Variants in NDC80 observed in about 807,000 individuals in gnomAD.
The protein encoded by NDC80 is kinetochore protein NDC80 homolog.
NDC80 carries 69 observed loss-of-function variants against 89.3 expected under a neutral mutation model. The ratio of observed to expected loss-of-function variants is 0.77; its 90% confidence interval spans 0.64 to 0.94. The LOEUF (loss-of-function observed/expected upper bound fraction) is 0.94. Ranked by LOEUF, NDC80 falls within the 40% of genes least tolerant of loss-of-function variation. The pLI, the probability that NDC80 is intolerant of heterozygous loss-of-function variation, is 0.00. For missense variants in NDC80, 593 were observed against 739.6 expected, an observed-to-expected ratio of 0.80 and a Z score of 2.30; for synonymous variants, 243 against 255.6, an observed-to-expected ratio of 0.95 and a Z score of 0.47.
intron 13 of NDC80, among the ~76,000 whole-genome samples, chr18:2,603,779 G>A (rs1598244437): frequency 6.6e-6 from 1 of 152,064 alleles, no homozygotes; most frequent in South Asian, 2.1e-4. Context: ...GTCAAAATAT[G>A]TAAGTAACCA....
At chr18:2,580,345 T>G (rs1471762250) in intron 6 of NDC80, among the ~76,000 whole-genome samples, 1 of 152,102 alleles carries the variant, frequency 6.6e-6, no homozygotes, top group Admixed American at 6.6e-5. Flanking sequence ...TCTTTTTTTT[T>G]TTAATTTCAT....
intron 1 of NDC80, among the ~76,000 whole-genome samples, chr18:2,572,484 C>G (rs1366200575): frequency 2.6e-5 from 4 of 152,104 alleles, no homozygotes; most frequent in African/African-American, 9.7e-5. Context: ...GGGTTAAGGA[C>G]AGAGCAGGAG....
At chr18:2,587,958 G>A (rs1395054978) in intron 8 of NDC80, 35 bp downstream of exon 8, 2 of 1,541,350 alleles carry the variant, frequency 1.3e-6, no homozygotes, top group African/African-American at 1.4e-5. Flanking sequence ...CTTGCTTTTG[G>A]TCATTTCACT....
At chr18:2,579,342 C>T in intron 6 of NDC80, 1 of 241,166 alleles carries the variant, frequency 4.1e-6, no homozygotes, top group Non-Finnish European at 7.9e-6. Context: ...ATATTCACTG[C>T]AAGAAGTTTG....
At chr18:2,572,525 A>G (rs1182819203) in intron 1 of NDC80, among the ~76,000 whole-genome samples, 1 of 152,210 alleles carries the variant, frequency 6.6e-6, no homozygotes, top group African/African-American at 2.4e-5. Context: ...GAATAATTCC[A>G]TTCTCTGAAA....
chr18:2,572,623 G>A (rs1464117718), intron 1 of NDC80, among the ~76,000 whole-genome samples: 2 of 152,196 alleles, frequency 1.3e-5, no homozygotes, highest in African/African-American at 4.8e-5. Context: ...GCCAACAGCA[G>A]TAATGTGGTC....
At chr18:2,614,617 G>GAA (rs1210346946) in intron 16 of NDC80, among the ~76,000 whole-genome samples, 1 of 45,928 alleles carries the variant, frequency 2.2e-5, no homozygotes, top group Non-Finnish European at 4.3e-5. Flanking sequence ...AAGAAAGAAA[G>GAA]AAAGAAAGAA....
intron 13 of NDC80, among the ~76,000 whole-genome samples, chr18:2,604,072 A>AT (rs1933370754): frequency 6.6e-6 from 1 of 152,244 alleles, no homozygotes; most frequent in Non-Finnish European, 1.5e-5. Context: ...TGCAGCAAAT[A>AT]TTTTTTGAGT....
intron 10 of NDC80, 144 bp downstream of exon 10, chr18:2,590,306 T>G (rs62086180): frequency 0.19 from 151,641 of 806,160 alleles, 16,916 homozygotes; most frequent in East Asian, 0.44. Context: ...TGTTTCGTAT[T>G]TGTTTCCTAA....
At chr18:2,580,569 C>T (rs2072571575) in intron 6 of NDC80, among the ~76,000 whole-genome samples, 1 of 151,958 alleles carries the variant, frequency 6.6e-6, no homozygotes, top group South Asian at 2.1e-4. Flanking sequence ...CTGGTACATA[C>T]AGTACCACCC....
intron 13 of NDC80, among the ~76,000 whole-genome samples, chr18:2,602,464 A>G (rs1298327270): frequency 1.3e-5 from 2 of 152,076 alleles, no homozygotes; most frequent in South Asian, 2.1e-4. Flanking sequence ...AAGATGAGGA[A>G]TTTGCTCCCT....
intron 13 of NDC80, among the ~76,000 whole-genome samples, chr18:2,603,240 G>A (rs903552681): frequency 5.3e-5 from 8 of 151,716 alleles, no homozygotes; most frequent in African/African-American, 1.9e-4. Context: ...GCAGAGGATT[G>A]AATCCTAAAG....
chr18:2,610,947 G>T (rs911987180), intron 16 of NDC80, 86 bp downstream of exon 16: 2 of 821,632 alleles, frequency 2.4e-6, no homozygotes, highest in East Asian at 3.4e-5. Flanking sequence ...TAAATTAAAT[G>T]ATGAATTTTA....
chr18:2,592,902 G>A (rs1433083745), intron 10 of NDC80, among the ~76,000 whole-genome samples: 2 of 151,852 alleles, frequency 1.3e-5, no homozygotes, highest in Non-Finnish European at 2.9e-5. Context: ...TTCAATATAG[G>A]CCATGAGTCA....
chr18:2,581,593 A>G (rs2072578480), intron 6 of NDC80, among the ~76,000 whole-genome samples: 1 of 152,244 alleles, frequency 6.6e-6, no homozygotes, highest in East Asian at 1.9e-4. Flanking sequence ...CAGGAGGTGG[A>G]GGTTGCAGTG....
rs770184173 is a variant in NDC80, at chr18:2,616,435, A to G, written c.1792-2A>G. 1.4e-6 allele frequency: 2 copies of G among 1,474,626 alleles called. No individual in the cohort carries two copies. Among genetic ancestry groups the G allele is most frequent in the South Asian group, 2.8e-5 (2 of 72,628 alleles). 91.3% of individuals were successfully genotyped at this position (1,474,626 alleles called of 1,614,324 possible). A position where few individuals can be genotyped will look rare whatever the true frequency, so the allele number is the denominator to read the frequency against. ...TTAACAATTGTTAATTCTCTTCACTAGAAACATCTTGAGGAGCAGATTGCT... is the reference window on the plus strand; with the variant it reads ...TTAACAATTGTTAATTCTCTTCACTGGAAACATCTTGAGGAGCAGATTGCT... On this transcript the variant is annotated splice_acceptor_variant, in intron 16 of 16. Transcript: ENST00000261597. LOFTEE classifies it high-confidence loss of function.
intron 13 of NDC80, among the ~76,000 whole-genome samples, chr18:2,606,075 A>G (rs915802515): frequency 1.3e-5 from 2 of 148,646 alleles, no homozygotes; most frequent in African/African-American, 4.9e-5. Context: ...TATAGTCTAA[A>G]TAAAGCTAGA....
intron 13 of NDC80, among the ~76,000 whole-genome samples, chr18:2,602,239 G>C (rs779002060): frequency 6.6e-6 from 1 of 151,972 alleles, no homozygotes; most frequent in Non-Finnish European, 1.5e-5. Flanking sequence ...TCTCAATCTG[G>C]AAACAAAACC....
chr18:2,601,000 T>TAAG (rs1207706083), intron 12 of NDC80, among the ~76,000 whole-genome samples: 2 of 152,198 alleles, frequency 1.3e-5, no homozygotes, highest in Non-Finnish European at 2.9e-5. Flanking sequence ...CAGAGAATCC[T>TAAG]AAGACTAAAC....
Sources: allele counts gnomAD v4.1 joint callset (sites outside exome capture counted in the v4.1 genomes callset), GRCh38; gene constraint gnomAD v4.1.1; transcripts MANE v1.5; gene names NCBI Gene and HGNC (gene_info 2026-07-23, HGNC 2026-07-21).